CAMK1D: variants seen among roughly 807,000 people sequenced by gnomAD.
The protein encoded by CAMK1D is calcium/calmodulin-dependent protein kinase type 1D.
Under a neutral mutation model 47.7 loss-of-function variants are expected in CAMK1D, and 9 were observed. That is an observed-to-expected ratio of 0.19 (90% CI 0.11 to 0.33). The LOEUF (loss-of-function observed/expected upper bound fraction) is 0.33. CAMK1D is among the 10% of genes least tolerant of loss of function. CAMK1D has a pLI of 1.00. For missense variants in CAMK1D, 291 were observed against 488.7 expected (o/e 0.60, Z 3.81); for synonymous variants, 184 against 184.9 (o/e 0.99, Z 0.04).
At chr10:12,745,506 C>T (rs1186927521) in intron 3 of CAMK1D, among the ~76,000 whole-genome samples, 1 of 152,182 alleles carries the variant, frequency 6.6e-6, no homozygotes, top group Non-Finnish European at 1.5e-5. Flanking sequence ...GCATCTCTAT[C>T]TAAGGTCACT....
At chr10:12,667,518 G>A (rs1280441588) in intron 3 of CAMK1D, among the ~76,000 whole-genome samples, 2 of 152,196 alleles carry the variant, frequency 1.3e-5, no homozygotes, top group African/African-American at 4.8e-5. Flanking sequence ...TACTCTAAGT[G>A]ATAAGATTCC....
chr10:12,666,825 T>G lies in CAMK1D; in HGVS notation c.299+15T>G. On this transcript the variant is annotated intron_variant, in intron 3 of 10. Coordinates refer to ENST00000619168, the MANE Select transcript of CAMK1D (RefSeq NM_153498.4). ...GTCATGCAGCTGTAAGTACCTTGTT[T>G]GATTGATGAGTTTTGAACCAACTTG... The G allele has an allele frequency of 6.2e-7, 1 of 1,605,848 alleles. No homozygotes were observed. Among genetic ancestry groups the G allele is most frequent in the East Asian group, 2.2e-5 (1 of 44,834 alleles).
At chr10:12,689,786 A>G (rs1371823341) in intron 3 of CAMK1D, among the ~76,000 whole-genome samples, 3 of 152,094 alleles carry the variant, frequency 2.0e-5, no homozygotes, top group Admixed American at 1.3e-4. Flanking sequence ...AAAAAAAAAA[A>G]AAGAAATGGT....
chr10:12,711,056 T>G (rs922915222), intron 3 of CAMK1D, among the ~76,000 whole-genome samples: 8 of 152,194 alleles, frequency 5.3e-5, no homozygotes, highest in African/African-American at 1.7e-4. Flanking sequence ...GAGCTCCCAG[T>G]CATGAAAGTC....
At chr10:12,533,433 A>T (rs1007485813) in intron 1 of CAMK1D, among the ~76,000 whole-genome samples, 2 of 152,090 alleles carry the variant, frequency 1.3e-5, no homozygotes, top group African/African-American at 4.8e-5. Flanking sequence ...TTGCAGACTG[A>T]CCCAATCATG....
chr10:12,642,335 G>A (rs1043146089), intron 2 of CAMK1D, among the ~76,000 whole-genome samples: 1 of 152,220 alleles, frequency 6.6e-6, no homozygotes, highest in Non-Finnish European at 1.5e-5. Flanking sequence ...TTCAGTGGAT[G>A]ATTCTTGAAT....
chr10:12,405,461 C>T (rs973375181), intron 1 of CAMK1D, among the ~76,000 whole-genome samples: 8 of 152,276 alleles, frequency 5.3e-5, no homozygotes, highest in East Asian at 1.9e-4. Context: ...AGTGAACTAA[C>T]GAGAAAACTC....
At chr10:12,389,566 G>C (rs998496263) in intron 1 of CAMK1D, among the ~76,000 whole-genome samples, 1 of 152,106 alleles carries the variant, frequency 6.6e-6, no homozygotes, top group Admixed American at 6.6e-5. Flanking sequence ...AACAGACCTT[G>C]CTTCCTTCCC....
Position 12,714,000 on chromosome 10 carries a change from G to A in CAMK1D, c.300-46948G>A, listed in dbSNP as rs186709765. On this transcript the variant is annotated intron_variant, in intron 3 of 10. Transcript: ENST00000619168. The stretch of plus-strand genomic sequence containing the variant: ...TGGGATCAGAGCAGGAGGAGGGAAC[G>A]GGGTTATGTTGACAGCTGGTACCAT... Among the ~76,000 whole-genome samples, 128 of 152,322 alleles carry A rather than the reference G, an allele frequency of 8.4e-4. 1 individual carries two copies. The highest frequency in any genetic ancestry group is 2.9e-3 in the African/African-American group (120 of 41,572).
rs1156244786 is a variant in CAMK1D at position 12,814,195 on chromosome 10, GC to G, written c.643del (p.Leu215SerfsTer45). On this transcript the variant is annotated frameshift_variant and splice_region_variant, in exon 7 of 11. Transcript: ENST00000619168. LOFTEE classifies it high-confidence loss of function. ...WSIGVIAYIL[L>X]CGYPPFYDEN... The stretch of plus-strand genomic sequence containing the variant: ...GCTTTTACTCCATTTTGTCTCCTAG[GC>G]TCTGCGGCTACCCTCCTTTTTATGA... The G allele has an allele frequency of 6.2e-7, 1 of 1,605,510 alleles. No homozygotes were observed. Among genetic ancestry groups the G allele is most frequent in the Admixed American group, 1.7e-5 (1 of 59,976 alleles).
At chr10:12,534,715 C>A (rs767018717) in intron 1 of CAMK1D, among the ~76,000 whole-genome samples, 1 of 152,184 alleles carries the variant, frequency 6.6e-6, no homozygotes, top group Non-Finnish European at 1.5e-5. Flanking sequence ...ATTTTTCTCT[C>A]GTCAGGGATC....
rs147535216 is a variant in CAMK1D at position 12,375,088 on chromosome 10, A to G, written c.92+25178A>G. 3.8e-3 allele frequency among the ~76,000 whole-genome samples: 571 copies of G among 152,086 alleles called. 5 individuals are homozygous for G. The highest frequency in any genetic ancestry group is 0.013 in the African/African-American group (543 of 41,478). On this transcript the variant is annotated intron_variant, in intron 1 of 10. Transcript: ENST00000619168. ...CTGGGATTATAGGTGTGAGCCACTC[A>G]CTGCGCCTGAGCTGTTTTGCTTTCG...
chr10:12,779,287 G>A (rs1425171953), intron 5 of CAMK1D, among the ~76,000 whole-genome samples: 1 of 152,188 alleles, frequency 6.6e-6, no homozygotes. Context: ...GTAAAATTAT[G>A]TATATTGCCT....
intron 2 of CAMK1D, among the ~76,000 whole-genome samples, chr10:12,643,850 C>G (rs1839742238): frequency 6.6e-6 from 1 of 150,840 alleles, no homozygotes. Flanking sequence ...TGCTACTACA[C>G]TCCAGCCCGG....
At chr10:12,526,565 T>C (rs1835628351) in intron 1 of CAMK1D, among the ~76,000 whole-genome samples, 1 of 152,166 alleles carries the variant, frequency 6.6e-6, no homozygotes, top group Non-Finnish European at 1.5e-5. Context: ...GATTTTGCTA[T>C]TTTGCAGTTC....
chr10:12,471,167 C>T (rs1833735233), intron 1 of CAMK1D, among the ~76,000 whole-genome samples: 1 of 152,158 alleles, frequency 6.6e-6, no homozygotes, highest in South Asian at 2.1e-4. Context: ...GTGACTGATT[C>T]CCCCACCCCA....
At chr10:12,361,545 CTT>C (rs36015215) in intron 1 of CAMK1D, among the ~76,000 whole-genome samples, 40,037 of 63,494 alleles carry the variant, frequency 0.63, 12,782 homozygotes, top group Non-Finnish European at 0.73. Context: ...GTGCCTGGCC[CTT>C]TTTTTTTTTT....
intron 1 of CAMK1D, among the ~76,000 whole-genome samples, chr10:12,474,196 G>A (rs534067168): frequency 5.9e-5 from 7 of 117,736 alleles, no homozygotes; most frequent in African/African-American, 1.9e-4. Flanking sequence ...AATGAGGATC[G>A]TTCTTTTTTT....
chr10:12,464,940 A>C (rs974446605), intron 1 of CAMK1D, among the ~76,000 whole-genome samples: 14 of 152,228 alleles, frequency 9.2e-5, no homozygotes, highest in African/African-American at 3.4e-4. Context: ...CATCACATTC[A>C]ACAGCACACA....
Sources: gnomAD v4.1 joint callset for allele counts (sites outside exome capture counted in the v4.1 genomes callset) on GRCh38, gnomAD v4.1.1 for gene constraint, MANE v1.5 for transcripts, NCBI Gene and HGNC (gene_info 2026-07-23, HGNC 2026-07-21) for gene names.